TNR: variants seen among roughly 807,000 people sequenced by gnomAD.
TNR encodes tenascin-R.
A neutral mutation model predicts 150.4 loss-of-function variants in TNR; 45 were observed. That is an observed-to-expected ratio of 0.30 (90% CI 0.24 to 0.38). The LOEUF (loss-of-function observed/expected upper bound fraction) is 0.38. TNR is among the 10% of genes least tolerant of loss of function. TNR has a pLI of 1.00. For synonymous variants in TNR, 687 were observed against 678.4 expected, an observed-to-expected ratio of 1.01 and a Z score of -0.20; for missense variants, 1,544 against 1,759.1, an observed-to-expected ratio of 0.88 and a Z score of 2.19.
intron 1 of TNR, among the ~76,000 whole-genome samples, chr1:175,713,363 T>C: frequency 6.6e-6 from 1 of 152,208 alleles, no homozygotes; most frequent in East Asian, 1.9e-4. Context: ...TTTTTCCCCA[T>C]TTATCGGGCA....
chr1:175,715,444 C>T (rs1156508636), intron 1 of TNR, among the ~76,000 whole-genome samples: 1 of 152,142 alleles, frequency 6.6e-6, no homozygotes, highest in African/African-American at 2.4e-5. Flanking sequence ...ACACTAGATT[C>T]TTCCCTTCTC....
At chr1:175,663,243 T>C (rs1041555020) in intron 1 of TNR, among the ~76,000 whole-genome samples, 1 of 152,078 alleles carries the variant, frequency 6.6e-6, no homozygotes, top group Non-Finnish European at 1.5e-5. Flanking sequence ...GACACTGCCC[T>C]CTCTTTTTCC....
At position 175,680,544 on chromosome 1, in the gene TNR, G is replaced by C. The variant is rs746274258; in HGVS notation, c.-165+62682C>G. On this transcript the variant is annotated intron_variant, in intron 1 of 22. Coordinates refer to ENST00000367674, the MANE Select transcript of TNR (RefSeq NM_003285.3). ...CTGAACCCTGTGTGCCATCGGAGTA[G>C]AGAGATGAGAGAAATCAGAAGGAGA... 2.6e-5 allele frequency among the ~76,000 whole-genome samples: 4 copies of C among 152,172 alleles called. No homozygotes were observed. The East Asian group carries it at 7.7e-4, about 29-fold the overall frequency.
chr1:175,498,257 C>A (rs981317982), intron 2 of TNR, among the ~76,000 whole-genome samples: 2 of 152,234 alleles, frequency 1.3e-5, no homozygotes, highest in African/African-American at 4.8e-5. Context: ...CCACTACAGG[C>A]TACATTATCC....
intron 8 of TNR, among the ~76,000 whole-genome samples, chr1:175,385,571 A>G (rs1159777820): frequency 6.6e-6 from 1 of 152,256 alleles, no homozygotes; most frequent in African/African-American, 2.4e-5. Context: ...CATAATGCCA[A>G]TGCACATCAT....
chr1:175,405,249 A>C (rs1653892246), intron 3 of TNR, among the ~76,000 whole-genome samples: 1 of 152,218 alleles, frequency 6.6e-6, no homozygotes, highest in African/African-American at 2.4e-5. Flanking sequence ...GCTGTTGCTT[A>C]TACGTTACTT....
At chr1:175,706,756 C>T (rs1050813401) in intron 1 of TNR, among the ~76,000 whole-genome samples, 3 of 152,118 alleles carry the variant, frequency 2.0e-5, no homozygotes, top group African/African-American at 7.2e-5. Flanking sequence ...AAATCTAATT[C>T]CCCTTCTACA....
chr1:175,645,671 G>A (rs1323279778), intron 1 of TNR, among the ~76,000 whole-genome samples: 1 of 152,188 alleles, frequency 6.6e-6, no homozygotes, highest in African/African-American at 2.4e-5. Context: ...TATTTCTGCA[G>A]GGAATGAAGT....
intron 2 of TNR, among the ~76,000 whole-genome samples, chr1:175,467,891 C>A (rs917615043): frequency 6.6e-6 from 1 of 152,160 alleles, no homozygotes; most frequent in South Asian, 2.1e-4. Context: ...AATGCAAATG[C>A]TAGTGAAAAA....
intron 1 of TNR, among the ~76,000 whole-genome samples, chr1:175,714,590 A>G (rs1201861055): frequency 2.0e-5 from 3 of 152,166 alleles, no homozygotes; most frequent in Non-Finnish European, 4.4e-5. Flanking sequence ...CAGCTAATGC[A>G]CACTGAACCA....
chr1:175,522,103 C>A (rs1209197011), intron 2 of TNR, among the ~76,000 whole-genome samples: 1 of 152,158 alleles, frequency 6.6e-6, no homozygotes, highest in African/African-American at 2.4e-5. Flanking sequence ...TTCCTTTTAT[C>A]CACCCCACTC....
At chr1:175,727,170 C>CA (rs1667503341) in intron 1 of TNR, among the ~76,000 whole-genome samples, 1 of 152,168 alleles carries the variant, frequency 6.6e-6, no homozygotes, top group African/African-American at 2.4e-5. Flanking sequence ...CATATGGAGT[C>CA]AAAAAAATTG....
chr1:175,382,698 G>A (rs1193035511), intron 8 of TNR, among the ~76,000 whole-genome samples: 2 of 152,138 alleles, frequency 1.3e-5, no homozygotes, highest in Non-Finnish European at 2.9e-5. Context: ...TCAGGAGATC[G>A]AGACCATCCT....
rs1648949005 is a variant in TNR at position 175,319,791 on chromosome 1, T to TC, written c.*3565dup. The TC allele has an allele frequency of 6.6e-6, 1 of 152,220 alleles. No homozygotes were observed. Among genetic ancestry groups the TC allele is most frequent in the Admixed American group, 6.5e-5 (1 of 15,286 alleles). 9.4% of individuals were successfully genotyped at this position (152,220 alleles called of 1,614,324 possible). Reference sequence around the variant, plus strand: ...GGCCTTTCTCAACCCCGCTGACGTTTCACACGGGGTTTCAGGAGGTGACTG... The same window carrying TC: ...GGCCTTTCTCAACCCCGCTGACGTTTCCACACGGGGTTTCAGGAGGTGACTG... On this transcript the variant is annotated 3_prime_UTR_variant, in exon 23 of 23. Coordinates refer to ENST00000367674, the MANE Select transcript of TNR (RefSeq NM_003285.3).
chr1:175,398,274 A>G (rs1653529122), intron 4 of TNR, among the ~76,000 whole-genome samples: 2 of 152,244 alleles, frequency 1.3e-5, no homozygotes, highest in African/African-American at 4.8e-5. Context: ...GCCTAAAACC[A>G]TTCATTGAAT....
chr1:175,356,196 T>A (rs1651317368), intron 16 of TNR, 123 bp downstream of exon 16: 1 of 1,372,156 alleles, frequency 7.3e-7, no homozygotes. Context: ...TCAGTCCAAA[T>A]AAGAACAGCT....
At chr1:175,429,269 A>G (rs941691010) in intron 2 of TNR, among the ~76,000 whole-genome samples, 1 of 152,212 alleles carries the variant, frequency 6.6e-6, no homozygotes, top group Non-Finnish European at 1.5e-5. Flanking sequence ...ATTAAGATAG[A>G]TATAGATGTA....
chr1:175,491,961 T>A (rs951801270), intron 2 of TNR, among the ~76,000 whole-genome samples: 5 of 152,150 alleles, frequency 3.3e-5, no homozygotes, highest in African/African-American at 1.2e-4. Context: ...CCCAGACTTT[T>A]AAACGATAAA....
At chr1:175,719,484 A>C (rs1667243899) in intron 1 of TNR, among the ~76,000 whole-genome samples, 1 of 152,212 alleles carries the variant, frequency 6.6e-6, no homozygotes, top group African/African-American at 2.4e-5. Context: ...GTAGGCAGGT[A>C]CTTCATCTCC....
Sources: allele counts gnomAD v4.1 joint callset (sites outside exome capture counted in the v4.1 genomes callset), GRCh38; gene constraint gnomAD v4.1.1; transcripts MANE v1.5; gene names NCBI Gene and HGNC (gene_info 2026-07-23, HGNC 2026-07-21).